SLC16A7: variants seen among roughly 807,000 people sequenced by gnomAD.
SLC16A7 encodes solute carrier family 16 member 7.
A neutral mutation model predicts 34.9 loss-of-function variants in SLC16A7; 33 were observed. The observed-to-expected ratio is 0.94, with a 90% CI of 0.72 to 1.26. The LOEUF (loss-of-function observed/expected upper bound fraction) is 1.26, where lower values mean the gene tolerates loss of function less well. Among genes scored for constraint, SLC16A7 ranks in the 50% most tolerant of loss-of-function variants. SLC16A7 has a pLI of 0.00. For missense variants in SLC16A7, 573 were observed against 578.1 expected, an observed-to-expected ratio of 0.99 and a Z score of 0.09; for synonymous variants, 201 against 206.6, an observed-to-expected ratio of 0.97 and a Z score of 0.23.
At chr12:59,648,241 G>A (rs542197939) in intron 1 of SLC16A7, among the ~76,000 whole-genome samples, 165 of 152,244 alleles carry the variant, frequency 1.1e-3, no homozygotes, top group African/African-American at 3.8e-3. Flanking sequence ...ATATAAATAT[G>A]TAGTGGTATC....
chr12:59,764,156 G>A (rs1881299867), intron 3 of SLC16A7: 2 of 152,162 alleles, frequency 1.3e-5, no homozygotes, highest in South Asian at 4.1e-4. Context: ...TAGCCAAGTT[G>A]TGAATGCAAA....
intron 1 of SLC16A7, among the ~76,000 whole-genome samples, chr12:59,603,240 C>A (rs1329061080): frequency 1.3e-5 from 2 of 152,204 alleles, no homozygotes; most frequent in Non-Finnish European, 2.9e-5. Flanking sequence ...CCAGTTAATT[C>A]TGTACATGGT....
chr12:59,602,687 A>G (rs1434925537), intron 1 of SLC16A7, among the ~76,000 whole-genome samples: 2 of 151,560 alleles, frequency 1.3e-5, no homozygotes, highest in Admixed American at 1.3e-4. Context: ...GTTTCACCAT[A>G]TTGGCCAGGC....
chr12:59,636,712 CAAT>C (rs2137000897), intron 1 of SLC16A7, among the ~76,000 whole-genome samples: 1 of 152,150 alleles, frequency 6.6e-6, no homozygotes, highest in African/African-American at 2.4e-5. Context: ...GCTGGAGAGA[CAAT>C]AAGTAGTACA....
At chr12:59,616,653 A>G (rs1592394866) in intron 1 of SLC16A7, among the ~76,000 whole-genome samples, 1 of 152,114 alleles carries the variant, frequency 6.6e-6, no homozygotes, top group East Asian at 1.9e-4. Context: ...GCTGTTTGTG[A>G]GGGTAAAAAT....
chr12:59,771,468 T>G (rs1882220012), intron 4 of SLC16A7, 106 bp downstream of exon 4: 1 of 783,072 alleles, frequency 1.3e-6, no homozygotes, highest in East Asian at 3.0e-5. Flanking sequence ...ATTTATTTTT[T>G]TATAAACAAT....
chr12:59,765,256 C>G (rs1018393092), intron 3 of SLC16A7, among the ~76,000 whole-genome samples: 1 of 152,058 alleles, frequency 6.6e-6, no homozygotes, highest in African/African-American at 2.4e-5. Flanking sequence ...GAGTAGGTTG[C>G]AAAAATTTTC....
chr12:59,683,429 T>G (rs1421911822), intron 2 of SLC16A7, among the ~76,000 whole-genome samples: 1 of 152,132 alleles, frequency 6.6e-6, no homozygotes, highest in East Asian at 1.9e-4. Flanking sequence ...TTTAAGGGAC[T>G]ATTAAAGTTG....
In SLC16A7 at chr12:59,786,829, G is replaced by A. The variant is rs767947462; in HGVS notation, c.*7150G>A. 6.6e-6 allele frequency: 1 copy of A among 152,034 alleles called. No homozygotes were observed. The allele number at this position is 152,034 out of a possible 1,614,324, so 9.4% of individuals were successfully genotyped here. A position where few individuals can be genotyped will look rare whatever the true frequency, so the allele number is the denominator to read the frequency against. The stretch of plus-strand genomic sequence containing the variant: ...TCCATTGCACTACAGAAGCCGTAAG[G>A]TCATAATGATGATCTTTGTAGAGTA... On this transcript the variant is annotated 3_prime_UTR_variant, in exon 6 of 6. Transcript: ENST00000547379.
intron 2 of SLC16A7, among the ~76,000 whole-genome samples, chr12:59,675,316 G>T (rs77703709): frequency 1.3e-5 from 2 of 152,160 alleles, no homozygotes; most frequent in African/African-American, 4.8e-5. Flanking sequence ...TAATTAAGTC[G>T]TGATGGTAGC....
chr12:59,755,208 C>A (rs565212369), intron 3 of SLC16A7, among the ~76,000 whole-genome samples: 1,837 of 152,164 alleles, frequency 0.012, 40 homozygotes, highest in African/African-American at 0.041. Flanking sequence ...ACAGGGATGC[C>A]CTCTCTCACC....
chr12:59,701,769 T>C (rs566641754), intron 2 of SLC16A7, among the ~76,000 whole-genome samples: 1 of 151,910 alleles, frequency 6.6e-6, no homozygotes, highest in African/African-American at 2.4e-5. Flanking sequence ...ATAATATTTG[T>C]ATTGATGTTA....
chr12:59,678,149 G>T (rs762798005), intron 2 of SLC16A7, among the ~76,000 whole-genome samples: 1 of 152,154 alleles, frequency 6.6e-6, no homozygotes, highest in Admixed American at 6.5e-5. Flanking sequence ...CCTAGGTCTG[G>T]GCTCCCTGAA....
chr12:59,762,029 A>G (rs760069195), intron 3 of SLC16A7, among the ~76,000 whole-genome samples: 15 of 152,084 alleles, frequency 9.9e-5, no homozygotes, highest in Non-Finnish European at 1.9e-4. Flanking sequence ...GGCCCTCATC[A>G]GGCTACCACG....
chr12:59,628,250 C>A (rs965665584), intron 1 of SLC16A7, among the ~76,000 whole-genome samples: 2 of 151,806 alleles, frequency 1.3e-5, no homozygotes, highest in African/African-American at 4.8e-5. Flanking sequence ...TTGTTGTTTT[C>A]ATCCTTAGCT....
chr12:59,597,109 TC>T (rs1200653569), intron 1 of SLC16A7: 3 of 152,138 alleles, frequency 2.0e-5, no homozygotes, highest in Non-Finnish European at 4.4e-5. Context: ...CTCCTCTACT[TC>T]CGCGAAAAGG....
At chr12:59,745,647 A>G (rs1414242322) in intron 3 of SLC16A7, among the ~76,000 whole-genome samples, 1 of 152,238 alleles carries the variant, frequency 6.6e-6, no homozygotes, top group Non-Finnish European at 1.5e-5. Flanking sequence ...TGTGGCAATT[A>G]TGATACACGC....
At chr12:59,647,118 G>C (rs1241130282) in intron 1 of SLC16A7, among the ~76,000 whole-genome samples, 1 of 152,136 alleles carries the variant, frequency 6.6e-6, no homozygotes, top group Non-Finnish European at 1.5e-5. Context: ...AGACTTTGGA[G>C]AATCGTTGGG....
intron 1 of SLC16A7, among the ~76,000 whole-genome samples, chr12:59,614,975 C>T (rs113055825): frequency 1.8e-4 from 28 of 151,378 alleles, no homozygotes; most frequent in African/African-American, 6.3e-4. Context: ...TGCACTCCAG[C>T]CTGGTCGACA....
Sources: allele counts gnomAD v4.1 joint callset (sites outside exome capture counted in the v4.1 genomes callset), GRCh38; gene constraint gnomAD v4.1.1; transcripts MANE v1.5; gene names NCBI Gene and HGNC (gene_info 2026-07-23, HGNC 2026-07-21).